UBE2K: variants seen among roughly 807,000 people sequenced by gnomAD.
UBE2K encodes ubiquitin conjugating enzyme E2 K.
A neutral mutation model predicts 30.0 loss-of-function variants in UBE2K; 6 were observed. That is an observed-to-expected ratio of 0.20 (90% CI 0.11 to 0.39). UBE2K has a LOEUF of 0.39. Among genes scored for constraint, UBE2K ranks in the 10% least tolerant of loss-of-function variants. UBE2K has a pLI of 1.00. For synonymous variants in UBE2K, 86 were observed against 83.7 expected (o/e 1.03, Z -0.15); for missense variants, 61 against 241.6 (o/e 0.25, Z 4.96).
intron 1 of UBE2K, among the ~76,000 whole-genome samples, chr4:39,733,462 A>G (rs1486713269): frequency 1.3e-5 from 2 of 151,500 alleles, no homozygotes; most frequent in Non-Finnish European, 2.9e-5. Context: ...TCTCCCGAGT[A>G]GCTGGGACTA....
chr4:39,725,689 A>G (rs1462174559), intron 1 of UBE2K, among the ~76,000 whole-genome samples: 1 of 152,184 alleles, frequency 6.6e-6, no homozygotes, highest in African/African-American at 2.4e-5. Context: ...TCCCCCTGCC[A>G]GAAGCATGCA....
chr4:39,770,151 T>A (rs1712684316), intron 4 of UBE2K: 3 of 1,604,044 alleles, frequency 1.9e-6, no homozygotes, highest in Non-Finnish European at 2.5e-6. Flanking sequence ...CTTGCCGTGT[T>A]GCTCCTTGAG....
chr4:39,778,200 T>C (rs1295851661), intron 6 of UBE2K, among the ~76,000 whole-genome samples, 160 bp from the exon 7 acceptor site: 1 of 152,018 alleles, frequency 6.6e-6, no homozygotes, highest in African/African-American at 2.4e-5. Flanking sequence ...TTTTTACTAA[T>C]TACTGTCATT....
At chr4:39,778,180 G>A (rs1012657608) in intron 6 of UBE2K, among the ~76,000 whole-genome samples, 180 bp from the exon 7 acceptor site, 2 of 149,728 alleles carry the variant, frequency 1.3e-5, no homozygotes, top group Admixed American at 6.7e-5. Flanking sequence ...CAAAGTCAGT[G>A]ATTTTTTTAT....
Position 39,705,724 on chromosome 4 carries a change from A to G in UBE2K, c.63+7334A>G, listed in dbSNP as rs549846801. Among the ~76,000 whole-genome samples, 128 of 152,102 alleles carry G rather than the reference A, an allele frequency of 8.4e-4. 2 individuals carry two copies. In the South Asian group the frequency reaches 0.01, roughly 12 times the overall value. On this transcript the variant is annotated intron_variant, in intron 1 of 6. Coordinates refer to ENST00000261427, the MANE Select transcript of UBE2K (RefSeq NM_005339.5). ...GTTTTTGTGACAGAGTCTCGGCTCT[A>G]TCACCCAGCCTGGAGTGCAGTGGCT...
intron 4 of UBE2K, chr4:39,770,931 G>A (rs1267447363): frequency 1.0e-5 from 16 of 1,567,052 alleles, no homozygotes; most frequent in Non-Finnish European, 8.6e-6. Context: ...TAGAGGAGGT[G>A]GGGGGTGGGG....
intron 2 of UBE2K, among the ~76,000 whole-genome samples, chr4:39,744,452 A>G (rs28475675): frequency 0.025 from 3,797 of 151,832 alleles, 149 homozygotes; most frequent in African/African-American, 0.087. Context: ...TATTACAGGC[A>G]TGAGCCACCG....
At chr4:39,752,693 G>A (rs1211858214) in intron 3 of UBE2K, among the ~76,000 whole-genome samples, 1 of 152,096 alleles carries the variant, frequency 6.6e-6, no homozygotes, top group Non-Finnish European at 1.5e-5. Context: ...TATGGCATAT[G>A]CTTGTTTATG....
chr4:39,701,757 C>A (rs1718025188), intron 1 of UBE2K, among the ~76,000 whole-genome samples: 1 of 149,378 alleles, frequency 6.7e-6, no homozygotes. Context: ...TTCTTTCTTT[C>A]ATGTTTTTTT....
At chr4:39,744,756 A>C (rs1720892652) in intron 2 of UBE2K, among the ~76,000 whole-genome samples, 1 of 151,250 alleles carries the variant, frequency 6.6e-6, no homozygotes, top group African/African-American at 2.4e-5. Context: ...AACACAAAAA[A>C]ATTAGCCAGG....
intron 1 of UBE2K, among the ~76,000 whole-genome samples, chr4:39,736,411 G>A (rs1475536017): frequency 1.3e-5 from 2 of 152,150 alleles, no homozygotes; most frequent in Admixed American, 6.5e-5. Flanking sequence ...GCAGTGAGCC[G>A]AGATCGTGCC....
chr4:39,781,205 C>T lies in UBE2K; in HGVS notation c.*2771C>T, dbSNP rs1341934114. The T allele has an allele frequency of 2.6e-5, 4 of 151,888 alleles. No individual in the cohort carries two copies. The highest frequency in any genetic ancestry group is 4.4e-5 in the Non-Finnish European group (3 of 67,936). 9.4% of individuals were successfully genotyped at this position (151,888 alleles called of 1,614,324 possible). ...AATTAGGTGCTCTGAGTTGGCACCC[C>T]GAAATGTTTGGAATCACGACTATGA... is the stretch of plus-strand genomic sequence containing the variant. On this transcript the variant is annotated 3_prime_UTR_variant, in exon 7 of 7. Transcript: ENST00000261427.
intron 1 of UBE2K, among the ~76,000 whole-genome samples, chr4:39,703,574 C>T (rs539864117): frequency 4.5e-4 from 68 of 152,006 alleles, no homozygotes; most frequent in African/African-American, 1.4e-3. Context: ...CACAGCCAGG[C>T]GTGGTGGCTC....
intron 1 of UBE2K, among the ~76,000 whole-genome samples, chr4:39,720,622 C>T (rs12644528): frequency 0.29 from 43,769 of 151,888 alleles, 7,892 homozygotes; most frequent in Admixed American, 0.46. Context: ...TGGGAATAAC[C>T]GGTAACTGAT....
At chr4:39,755,980 C>T (rs569507546) in intron 4 of UBE2K, among the ~76,000 whole-genome samples, 1 of 152,230 alleles carries the variant, frequency 6.6e-6, no homozygotes, top group South Asian at 2.1e-4. Context: ...CCTTGGATTT[C>T]ATTTGTTATT....
chr4:39,726,419 C>T (rs867343131), intron 1 of UBE2K, among the ~76,000 whole-genome samples: 1 of 151,872 alleles, frequency 6.6e-6, no homozygotes, highest in Middle Eastern at 3.2e-3. Context: ...GGAGATCTCA[C>T]TTTGCTGCCC....
chr4:39,738,232 C>G (rs1040212094), intron 2 of UBE2K, among the ~76,000 whole-genome samples: 1 of 152,110 alleles, frequency 6.6e-6, no homozygotes, highest in African/African-American at 2.4e-5. Flanking sequence ...TATTAGAAAA[C>G]ATATAACAAT....
rs1405706822 is a variant in UBE2K at position 39,780,691 on chromosome 4, T to G, written c.*2257T>G. ...TTTACATTTAATGTGATGATCTTTT[T>G]TTTCCTTTCTGGTATATTTCCCACT... On this transcript the variant is annotated 3_prime_UTR_variant, in exon 7 of 7. Transcript: ENST00000261427. 6.6e-6 allele frequency: 1 copy of G among 152,148 alleles called. No homozygotes were observed. Among genetic ancestry groups the G allele is most frequent in the Non-Finnish European group, 1.5e-5 (1 of 67,976 alleles). The allele number at this position is 152,148 out of a possible 1,614,324, so 9.4% of individuals were successfully genotyped here. A position where few individuals can be genotyped will look rare whatever the true frequency, so the allele number is the denominator to read the frequency against.
At chr4:39,745,690 A>G (rs1265105199) in intron 2 of UBE2K, 62 bp from the exon 3 acceptor site, 1 of 1,100,560 alleles carries the variant, frequency 9.1e-7, no homozygotes, top group Non-Finnish European at 1.4e-6. Flanking sequence ...GCTCATCAGT[A>G]TATTTGTCTT....
Sources: allele counts gnomAD v4.1 joint callset (sites outside exome capture counted in the v4.1 genomes callset), GRCh38; gene constraint gnomAD v4.1.1; transcripts MANE v1.5; gene names NCBI Gene and HGNC (gene_info 2026-07-23, HGNC 2026-07-21).